Variants in DCAF5 observed in about 807,000 individuals in gnomAD.
DCAF5 encodes DDB1- and CUL4-associated factor 5.
DCAF5 carries 9 observed loss-of-function variants against 80.7 expected under a neutral mutation model. The ratio of observed to expected loss-of-function variants is 0.11; its 90% confidence interval spans 0.07 to 0.19. The LOEUF is 0.19. Ranked by LOEUF, DCAF5 falls within the 10% of genes least tolerant of loss-of-function variation. DCAF5 has a pLI of 1.00. For missense variants in DCAF5, 842 were observed against 1,205.7 expected (o/e 0.70, Z 4.47); for synonymous variants, 433 against 461.9 (o/e 0.94, Z 0.80).
chr14:69,149,349 T>G (rs1419067921), intron 1 of DCAF5: 1 of 152,228 alleles, frequency 6.6e-6, no homozygotes, highest in African/African-American at 2.4e-5. Context: ...AATCAAGTAC[T>G]TTTTCGGTTA....
Position 69,065,125 on chromosome 14 carries a change from T to C in DCAF5, c.947-2614A>G, listed in dbSNP as rs555074561. On this transcript the variant is annotated intron_variant, in intron 7 of 8. Coordinates refer to ENST00000341516, the MANE Select transcript of DCAF5 (RefSeq NM_003861.3). ...TTTTTTTTTTTTTTTTGAGACGGAG[T>C]CTTGCTCTGTTGCCCAGGCTGGAGT... is the stretch of plus-strand genomic sequence containing the variant. Among the ~76,000 whole-genome samples, 322 of 121,804 alleles carry C rather than the reference T, an allele frequency of 2.6e-3. 1 individual carries two copies. The highest frequency in any genetic ancestry group is 3.4e-3 in the Non-Finnish European group (207 of 61,554). 79.9% of individuals were successfully genotyped at this position (121,804 alleles called of 152,430 possible). A position where few individuals can be genotyped will look rare whatever the true frequency, so the allele number is the denominator to read the frequency against.
intron 5 of DCAF5, among the ~76,000 whole-genome samples, chr14:69,101,050 T>C (rs993792761): frequency 6.6e-6 from 1 of 152,246 alleles, no homozygotes; most frequent in African/African-American, 2.4e-5. Context: ...AAATAGACAG[T>C]GTGGTTAACA....
chr14:69,057,931 T>C (rs2038039501), intron 8 of DCAF5, among the ~76,000 whole-genome samples: 1 of 152,154 alleles, frequency 6.6e-6, no homozygotes, highest in South Asian at 2.1e-4. Flanking sequence ...GACCTCACAC[T>C]TGAAAGCCTG....
chr14:69,060,736 G>C lies in DCAF5; in HGVS notation c.1074+1648C>G, dbSNP rs548549615. Among the ~76,000 whole-genome samples the C allele has an allele frequency of 2.6e-4, 40 of 152,052 alleles. No homozygotes were observed. In the South Asian group the frequency reaches 8.3e-3, roughly 32 times the overall value. On this transcript the variant is annotated intron_variant, in intron 8 of 8. Transcript: ENST00000341516. The stretch of plus-strand genomic sequence containing the variant: ...TAGTAGAGACAGGGTTTCACCATTT[G>C]GGCCAGGCTGGTCTCGAACACCTAA...
At chr14:69,122,909 T>C (rs895394982) in intron 1 of DCAF5, among the ~76,000 whole-genome samples, 2 of 152,258 alleles carry the variant, frequency 1.3e-5, no homozygotes, top group Non-Finnish European at 2.9e-5. Flanking sequence ...AGCCCAGCTC[T>C]TAACTCTGCG....
At chr14:69,098,346 A>G (rs1444626853) in intron 5 of DCAF5, among the ~76,000 whole-genome samples, 2 of 152,178 alleles carry the variant, frequency 1.3e-5, no homozygotes. Flanking sequence ...TTATGCAGAA[A>G]TACAACTTCT....
rs533708898 is a variant in DCAF5, at chr14:69,093,385, G to T, written c.666-1498C>A. On this transcript the variant is annotated intron_variant, in intron 5 of 8. Coordinates refer to ENST00000341516, the MANE Select transcript of DCAF5 (RefSeq NM_003861.3). The stretch of plus-strand genomic sequence containing the variant: ...TTCTGGAGAATCACAGACCTGAAAA[G>T]GGCCTCAAGATGCCTAAATTAGAGC... Among the ~76,000 whole-genome samples, 14 of 152,274 alleles carry T rather than the reference G, an allele frequency of 9.2e-5. No individual in the cohort carries two copies. In the East Asian group the frequency reaches 2.3e-3, roughly 25 times the overall value.
rs140157894 is a variant in DCAF5 at position 69,055,300 on chromosome 14, C to T, written c.1386G>A (p.Ser462=). 558 of 1,614,146 alleles carry T rather than the reference C, an allele frequency of 3.5e-4. 2 individuals are homozygous for T. The African/African-American group carries it at 6.7e-3, about 19-fold the overall frequency. Residue 462 remains serine (S), a synonymous_variant, in exon 9 of 9, where the codon TCG becomes TCA. Transcript: ENST00000341516. The surrounding 1 kb of genome is among the most constrained non-coding windows in gnomAD (Gnocchi z 5.6). ...GAGGCGGGGAGCGAGGCAATGAGGC[C>T]GAAGACTCTGAGTCAGTGTAGCCTG... ...ERSGYTDSES[S]ASLPRSPPPT...
intron 5 of DCAF5, among the ~76,000 whole-genome samples, chr14:69,110,075 G>A (rs771995206): frequency 1.3e-5 from 2 of 152,100 alleles, no homozygotes; most frequent in Admixed American, 6.5e-5. Flanking sequence ...ATAAAGTTCA[G>A]TACTTTTCAA....
intron 6 of DCAF5, among the ~76,000 whole-genome samples, chr14:69,077,958 G>A (rs116630527): frequency 1.3e-5 from 2 of 152,168 alleles, no homozygotes; most frequent in Admixed American, 6.5e-5. Context: ...TCTGCAAAAT[G>A]AGAGAACTGG....
chr14:69,061,056 A>C (rs1478174210), intron 8 of DCAF5, among the ~76,000 whole-genome samples: 1 of 151,770 alleles, frequency 6.6e-6, no homozygotes, highest in Non-Finnish European at 1.5e-5. Flanking sequence ...CCTAGGCTGG[A>C]GTGCAGTGGT....
intron 1 of DCAF5, among the ~76,000 whole-genome samples, chr14:69,142,923 G>T (rs1325414956): frequency 3.3e-5 from 5 of 152,194 alleles, no homozygotes; most frequent in Admixed American, 1.3e-4. Context: ...GATAACTAGA[G>T]TATACCTACT....
intron 1 of DCAF5, among the ~76,000 whole-genome samples, chr14:69,128,219 C>T (rs2040933607): frequency 6.7e-6 from 1 of 148,866 alleles, no homozygotes; most frequent in Non-Finnish European, 1.5e-5. Context: ...GAGAGTCTCA[C>T]TCTGTCACCC....
chr14:69,099,236 G>A lies in DCAF5; in HGVS notation c.666-7349C>T, dbSNP rs529253297. ...CACGGCACTCCAGCCTGGCAACAGA[G>A]TGGGACTCTGTCTCAACACACACAC... On this transcript the variant is annotated intron_variant, in intron 5 of 8. Transcript: ENST00000341516. 2.8e-5 allele frequency among the ~76,000 whole-genome samples: 4 copies of A among 145,096 alleles called. No individual in the cohort carries two copies. The South Asian group carries it at 8.9e-4, about 32-fold the overall frequency.
chr14:69,069,862 C>T (rs1031682361), intron 7 of DCAF5, among the ~76,000 whole-genome samples: 2 of 152,110 alleles, frequency 1.3e-5, no homozygotes, highest in Non-Finnish European at 2.9e-5. Context: ...ATCAAGCGAT[C>T]CTCCCACCTC....
Position 69,054,904 on chromosome 14 carries a change from G to T in DCAF5, c.1782C>A (p.Thr594=), listed in dbSNP as rs1415238956. Residue 594 remains threonine (T), a synonymous_variant, in exon 9 of 9, where the codon ACC becomes ACA. Coordinates refer to ENST00000341516, the MANE Select transcript of DCAF5 (RefSeq NM_003861.3). The part of the protein sequence containing the change: ...RNAMRRRQKT[T]REDKPSAPIK... Reference sequence around the variant, plus strand: ...TTGGGGCACTGGGCTTGTCTTCTCGGGTTGTCTTCTGTCGGCGCCGCATGG... The same window carrying T: ...TTGGGGCACTGGGCTTGTCTTCTCGTGTTGTCTTCTGTCGGCGCCGCATGG... 6.2e-7 allele frequency: 1 copy of T among 1,614,210 alleles called. No homozygotes were observed. Among genetic ancestry groups the T allele is most frequent in the South Asian group, 1.1e-5 (1 of 91,084 alleles).
Position 69,118,114 on chromosome 14 carries a change from A to C in DCAF5, c.535+25T>G. 1 of 1,613,506 alleles carries C rather than the reference A, an allele frequency of 6.2e-7. No homozygotes were observed. The highest frequency in any genetic ancestry group is 8.5e-7 in the Non-Finnish European group (1 of 1,179,590). ...ACATCAAACTGTTCAACACAGTCCA[A>C]CAGTCATTTGCACAGTGAGCCTACC... On this transcript the variant is annotated intron_variant, in intron 4 of 8. Coordinates refer to ENST00000341516, the MANE Select transcript of DCAF5 (RefSeq NM_003861.3). The surrounding 1 kb of genome is among the most constrained non-coding windows in gnomAD (Gnocchi z 4.0).
At chr14:69,135,396 C>T (rs1265001203) in intron 1 of DCAF5, among the ~76,000 whole-genome samples, 1 of 152,186 alleles carries the variant, frequency 6.6e-6, no homozygotes, top group African/African-American at 2.4e-5. Flanking sequence ...AACCAGAGTA[C>T]ACATCTAAAT....
In DCAF5 at chr14:69,053,748, G is replaced by C; in HGVS notation, c.*109C>G. ...CATCAGACACAAAATTTCAGGCCCT[G>C]GTTTCATGTGCCTTTAATACTTGTT... is the stretch of plus-strand genomic sequence containing the variant. On this transcript the variant is annotated 3_prime_UTR_variant, in exon 9 of 9. Coordinates refer to ENST00000341516, the MANE Select transcript of DCAF5 (RefSeq NM_003861.3). The C allele has an allele frequency of 9.0e-7, 1 of 1,106,256 alleles. No individual in the cohort carries two copies. The highest frequency in any genetic ancestry group is 1.2e-6 in the Non-Finnish European group (1 of 803,122). 68.5% of individuals were successfully genotyped at this position (1,106,256 alleles called of 1,614,324 possible).
Sources: allele counts gnomAD v4.1 joint callset (sites outside exome capture counted in the v4.1 genomes callset), GRCh38; gene constraint gnomAD v4.1.1; non-coding constraint Gnocchi (gnomAD v3.1); transcripts MANE v1.5; gene names NCBI Gene and HGNC (gene_info 2026-07-23, HGNC 2026-07-21).